The following SLC13A1 variants were observed in gnomAD, a reference collection of about 807,000 sequenced individuals.
SLC13A1 encodes solute carrier family 13 member 1, also known as Na(+)/sulfate cotransporter.
Under a neutral mutation model 70.0 loss-of-function variants are expected in SLC13A1, and 65 were observed. The ratio of observed to expected loss-of-function variants is 0.93; its 90% CI spans 0.76 to 1.14. The LOEUF is 1.14. Ranked by LOEUF, SLC13A1 falls within the 50% of genes most tolerant of loss-of-function variation. The pLI is 0.00. For missense variants in SLC13A1, 726 were observed against 717.8 expected, an observed-to-expected ratio of 1.01 and a Z score of -0.13; for synonymous variants, 275 against 250.5, an observed-to-expected ratio of 1.10 and a Z score of -0.92.
intron 9 of SLC13A1, 73 bp downstream of exon 9, chr7:123,129,310 C>T: frequency 1.7e-6 from 2 of 1,210,700 alleles, no homozygotes; most frequent in South Asian, 3.0e-5. Context: ...GTGTAAACAG[C>T]ATTTCTCTCT....
chr7:123,173,680 T>C (rs1395984444), intron 2 of SLC13A1, among the ~76,000 whole-genome samples: 1 of 152,182 alleles, frequency 6.6e-6, no homozygotes, highest in African/African-American at 2.4e-5. Context: ...TACCATACAT[T>C]CTGATGAGGA....
At chr7:123,176,516 T>C (rs1302525844) in intron 2 of SLC13A1, among the ~76,000 whole-genome samples, 2 of 152,184 alleles carry the variant, frequency 1.3e-5, no homozygotes, top group Admixed American at 1.3e-4. Flanking sequence ...GAGTTCTCTC[T>C]TAGTTATGTA....
chr7:123,169,162 C>T lies in SLC13A1; in HGVS notation c.539G>A (p.Gly180Glu). Residue 180 changes from glycine (G) to glutamate (E), a missense_variant, in exon 4 of 15, where the codon GGA (glycine) becomes GAA (glutamate). Physicochemically the swap from Gly to Glu is moderately conservative, Grantham distance 98 (BLOSUM62 -2). Transcript: ENST00000194130. ...ACATGTGATACCATCAATTTCTAGTCCGTGGTTGGTTGATCCGTTGAAGTA... is the reference window on the plus strand; with the variant it reads ...ACATGTGATACCATCAATTTCTAGTTCGTGGTTGGTTGATCCGTTGAAGTA... ...MTYFNGSTNH[G>E]LEIDESVNGH... The T allele has an allele frequency of 6.2e-7, 1 of 1,613,898 alleles. No homozygotes were observed.
chr7:123,190,967 C>T (rs1795974504), intron 1 of SLC13A1, among the ~76,000 whole-genome samples: 1 of 151,692 alleles, frequency 6.6e-6, no homozygotes, highest in African/African-American at 2.4e-5. Context: ...GTTGATTTCC[C>T]TATTATTTTC....
chr7:123,190,494 C>T (rs1268682733), intron 1 of SLC13A1: 1 of 453,612 alleles, frequency 2.2e-6, no homozygotes, highest in African/African-American at 2.0e-5. Flanking sequence ...GGGGAAGGGT[C>T]CTTTAAATTC....
intron 14 of SLC13A1, 26 bp downstream of exon 14, chr7:123,117,445 G>C (rs754415663): frequency 6.2e-6 from 10 of 1,602,546 alleles, no homozygotes; most frequent in Non-Finnish European, 8.5e-6. Context: ...TATTGGATTT[G>C]ATAGTATTTT....
At chr7:123,165,196 A>G (rs1475378560) in intron 6 of SLC13A1, among the ~76,000 whole-genome samples, 2 of 152,112 alleles carry the variant, frequency 1.3e-5, no homozygotes, top group Non-Finnish European at 2.9e-5. Flanking sequence ...AACATATCAT[A>G]AATGTATAAT....
intron 2 of SLC13A1, among the ~76,000 whole-genome samples, chr7:123,180,598 T>C (rs899204640): frequency 5.9e-5 from 9 of 152,276 alleles, no homozygotes; most frequent in African/African-American, 1.9e-4. Flanking sequence ...ACAGGGAAAC[T>C]TTTTCTTCAT....
chr7:123,171,658 G>A (rs1585374556), intron 3 of SLC13A1, 110 bp downstream of exon 3: 1 of 1,101,254 alleles, frequency 9.1e-7, no homozygotes, highest in Non-Finnish European at 1.4e-6. Context: ...TCATAAGTCA[G>A]ACTGTGATAC....
At chr7:123,127,589 C>A (rs1214980414) in intron 10 of SLC13A1, among the ~76,000 whole-genome samples, 1 of 151,928 alleles carries the variant, frequency 6.6e-6, no homozygotes, top group African/African-American at 2.4e-5. Flanking sequence ...GTCTAAACCT[C>A]TCAAAATGAA....
intron 1 of SLC13A1, among the ~76,000 whole-genome samples, chr7:123,198,250 C>T (rs1377995338): frequency 6.8e-6 from 1 of 147,350 alleles, no homozygotes; most frequent in Non-Finnish European, 1.5e-5. Flanking sequence ...AATTTGTCAT[C>T]TGATGGGGCT....
intron 2 of SLC13A1, 106 bp downstream of exon 2, chr7:123,180,867 G>A (rs1795614357): frequency 8.1e-7 from 1 of 1,235,300 alleles, no homozygotes; most frequent in Non-Finnish European, 1.1e-6. Context: ...GGACTTATGT[G>A]GAACCTTACC....
intron 6 of SLC13A1, among the ~76,000 whole-genome samples, chr7:123,159,016 C>T (rs562469251): frequency 7.2e-5 from 11 of 151,974 alleles, no homozygotes; most frequent in African/African-American, 2.6e-4. Context: ...TAAATATGAA[C>T]ATAACTCTAC....
intron 6 of SLC13A1, among the ~76,000 whole-genome samples, chr7:123,149,219 A>T: frequency 6.6e-6 from 1 of 151,432 alleles, no homozygotes; most frequent in East Asian, 2.0e-4. Flanking sequence ...CCCACATGAC[A>T]CTCCTCCCAC....
At chr7:123,166,433 G>A (rs922708155) in intron 6 of SLC13A1, among the ~76,000 whole-genome samples, 6 of 151,910 alleles carry the variant, frequency 3.9e-5, no homozygotes, top group African/African-American at 1.5e-4. Context: ...TAGGGTACAT[G>A]TGTACAATGT....
intron 7 of SLC13A1, among the ~76,000 whole-genome samples, chr7:123,145,962 T>G (rs1414037249): frequency 6.6e-6 from 1 of 152,156 alleles, no homozygotes; most frequent in African/African-American, 2.4e-5. Flanking sequence ...ACTCTAATTT[T>G]TCTGTGAACC....
At position 123,147,156 on chromosome 7, in the gene SLC13A1, T is replaced by C; in HGVS notation, c.812+3A>G. On this transcript the variant is annotated splice_donor_region_variant and intron_variant, in intron 7 of 14. Coordinates refer to ENST00000194130, the MANE Select transcript of SLC13A1 (RefSeq NM_022444.4). ...AAATCACCAATCCAATAAGGTTACT[T>C]ACGTATTGAAATACTCTGCAAAGAT... 1 of 1,612,672 alleles carries C rather than the reference T, an allele frequency of 6.2e-7. No individual in the cohort carries two copies. Among genetic ancestry groups the C allele is most frequent in the Non-Finnish European group, 8.5e-7 (1 of 1,179,440 alleles).
chr7:123,177,336 T>A (rs1261844092), intron 2 of SLC13A1, among the ~76,000 whole-genome samples: 1 of 152,158 alleles, frequency 6.6e-6, no homozygotes, highest in Non-Finnish European at 1.5e-5. Flanking sequence ...TGAATTACCA[T>A]GGTCTCTCAC....
chr7:123,159,047 TA>T (rs906295967), intron 6 of SLC13A1, among the ~76,000 whole-genome samples: 8 of 151,988 alleles, frequency 5.3e-5, no homozygotes, highest in African/African-American at 1.7e-4. Flanking sequence ...TTTTAAAAAA[TA>T]ATACAATTAT....
Sources: allele counts gnomAD v4.1 joint callset (sites outside exome capture counted in the v4.1 genomes callset), GRCh38; gene constraint gnomAD v4.1.1; transcripts MANE v1.5; gene names NCBI Gene and HGNC (gene_info 2026-07-23, HGNC 2026-07-21).